Variants in BACH2 observed in about 807,000 individuals in gnomAD.
BACH2 encodes BACH transcriptional regulator 2.
In BACH2, 5 loss-of-function variants were observed where a neutral mutation model predicts 61.8. The ratio of observed to expected loss-of-function variants is 0.08; its 90% confidence interval spans 0.04 to 0.17. The LOEUF is 0.17. Ranked by LOEUF, BACH2 falls within the 10% of genes least tolerant of loss-of-function variation. The pLI is 1.00. For missense variants in BACH2, 824 were observed against 1,091.1 expected, an observed-to-expected ratio of 0.76 and a Z score of 3.45; for synonymous variants, 446 against 440.1, an observed-to-expected ratio of 1.01 and a Z score of -0.17.
chr6:90,211,569 A>G (rs1287475607), intron 3 of BACH2, among the ~76,000 whole-genome samples: 1 of 149,060 alleles, frequency 6.7e-6, no homozygotes, highest in East Asian at 2.0e-4. Flanking sequence ...TTTAAAGAGA[A>G]GCTTAAAAGT....
intron 4 of BACH2, among the ~76,000 whole-genome samples, chr6:90,176,176 T>C (rs894307794): frequency 2.0e-5 from 3 of 152,194 alleles, no homozygotes; most frequent in Non-Finnish European, 4.4e-5. Flanking sequence ...CATTTCCCCT[T>C]CAGTGGCTGT....
chr6:90,092,678 C>T (rs1175697473), intron 4 of BACH2, among the ~76,000 whole-genome samples: 1 of 151,936 alleles, frequency 6.6e-6, no homozygotes, highest in African/African-American at 2.4e-5. Flanking sequence ...ATATTAATCG[C>T]CATTTCATAG....
intron 2 of BACH2, among the ~76,000 whole-genome samples, chr6:90,271,132 T>C (rs772627644): frequency 3.3e-5 from 5 of 151,772 alleles, no homozygotes; most frequent in Non-Finnish European, 7.4e-5. Context: ...TCTAGAACAC[T>C]GGAAAAACTC....
intron 5 of BACH2, among the ~76,000 whole-genome samples, chr6:90,075,628 T>C (rs1004441986): frequency 6.6e-6 from 1 of 152,146 alleles, no homozygotes; most frequent in Non-Finnish European, 1.5e-5. Context: ...AAGATATTAT[T>C]ATCGTAACTG....
At chr6:90,024,274 G>GA (rs1415947831) in intron 5 of BACH2, among the ~76,000 whole-genome samples, 70 of 151,720 alleles carry the variant, frequency 4.6e-4, no homozygotes, top group Admixed American at 2.6e-3. Context: ...GGCTTCAAAT[G>GA]AAAAAAAACA....
chr6:90,127,325 T>G (rs550683034), intron 4 of BACH2, among the ~76,000 whole-genome samples: 1 of 152,238 alleles, frequency 6.6e-6, no homozygotes, highest in Admixed American at 6.5e-5. Context: ...ACCCCCTTTT[T>G]GAGGTGAAGC....
chr6:90,255,859 C>A (rs1048464521), intron 2 of BACH2, among the ~76,000 whole-genome samples: 1 of 152,178 alleles, frequency 6.6e-6, no homozygotes, highest in African/African-American at 2.4e-5. Context: ...AACGAAGGGG[C>A]CAGTCCTGTT....
chr6:90,232,249 C>A (rs1770123456), intron 3 of BACH2, among the ~76,000 whole-genome samples: 1 of 152,118 alleles, frequency 6.6e-6, no homozygotes, highest in African/African-American at 2.4e-5. Flanking sequence ...GGTGTTTCTC[C>A]CTTACCTGCC....
intron 3 of BACH2, among the ~76,000 whole-genome samples, chr6:90,219,036 CAGT>C (rs1410852735): frequency 2.0e-5 from 3 of 151,394 alleles, no homozygotes; most frequent in Non-Finnish European, 4.4e-5. Context: ...TCTCAGAAAA[CAGT>C]AGACTTCAGT....
At chr6:90,052,457 T>C (rs1322859630) in intron 5 of BACH2, among the ~76,000 whole-genome samples, 1 of 152,208 alleles carries the variant, frequency 6.6e-6, no homozygotes, top group African/African-American at 2.4e-5. Context: ...TCTTTCTCTG[T>C]TACCCAGGCT....
At chr6:90,088,318 T>C (rs529990932) in intron 5 of BACH2, among the ~76,000 whole-genome samples, 3 of 152,292 alleles carry the variant, frequency 2.0e-5, no homozygotes, top group Non-Finnish European at 2.9e-5. Context: ...AAAAGGACTG[T>C]AGCTGTTGTT....
At chr6:90,078,815 C>T (rs981385909) in intron 5 of BACH2, among the ~76,000 whole-genome samples, 3 of 152,080 alleles carry the variant, frequency 2.0e-5, no homozygotes, top group Admixed American at 6.5e-5. Flanking sequence ...AGATTTGATC[C>T]GGAGTCTTTT....
chr6:90,275,446 T>A (rs1771659873), intron 1 of BACH2, among the ~76,000 whole-genome samples: 1 of 152,132 alleles, frequency 6.6e-6, no homozygotes, highest in Non-Finnish European at 1.5e-5. Context: ...AAATTTGTTT[T>A]TACTTTTAAA....
intron 5 of BACH2, among the ~76,000 whole-genome samples, chr6:90,020,710 C>T (rs1310680154): frequency 6.6e-6 from 1 of 152,128 alleles, no homozygotes; most frequent in Admixed American, 6.5e-5. Flanking sequence ...CAATGCCAAA[C>T]TGAATTCTGC....
intron 4 of BACH2, among the ~76,000 whole-genome samples, chr6:90,111,251 CA>C (rs1783158003): frequency 1.3e-5 from 2 of 152,208 alleles, no homozygotes; most frequent in African/African-American, 4.8e-5. Context: ...ATCTTCTGTC[CA>C]GGCCACCACC....
intron 2 of BACH2, among the ~76,000 whole-genome samples, chr6:90,270,966 TA>T (rs1771499778): frequency 6.6e-6 from 1 of 152,006 alleles, no homozygotes; most frequent in Admixed American, 6.6e-5. Context: ...AACAAAAACA[TA>T]AAGTGAGGAA....
At chr6:89,937,166 T>C (rs1773076072) in intron 8 of BACH2, among the ~76,000 whole-genome samples, 1 of 152,110 alleles carries the variant, frequency 6.6e-6, no homozygotes. Context: ...GGGATGGCGA[T>C]GACAGCCACC....
chr6:90,275,423 C>G (rs993385065), intron 1 of BACH2, among the ~76,000 whole-genome samples: 25 of 151,074 alleles, frequency 1.7e-4, no homozygotes, highest in African/African-American at 6.0e-4. Context: ...GGAATAAGCT[C>G]AAATCCTAAC....
At position 90,008,597 on chromosome 6, in the gene BACH2, T is replaced by C. The variant is rs757883472; in HGVS notation, c.243+5A>G. On this transcript the variant is annotated splice_donor_5th_base_variant and intron_variant, in intron 6 of 8. Coordinates refer to ENST00000257749, the MANE Select transcript of BACH2 (RefSeq NM_021813.4). The surrounding 1 kb of genome is among the most constrained non-coding windows in gnomAD (Gnocchi z 4.1). ...TTAACAATCACACAAACCAAATTAC[T>C]GTACCTCCTCAGGCAAGCTGACCAC... 15 of 1,613,898 alleles carry C rather than the reference T, an allele frequency of 9.3e-6. No individual in the cohort carries two copies. Among genetic ancestry groups the C allele is most frequent in the South Asian group, 2.2e-5 (2 of 91,076 alleles).
Sources: gnomAD v4.1 joint callset for allele counts (sites outside exome capture counted in the v4.1 genomes callset) on GRCh38, gnomAD v4.1.1 for gene constraint, Gnocchi (gnomAD v3.1) non-coding constraint, MANE v1.5 for transcripts, NCBI Gene and HGNC (gene_info 2026-07-23, HGNC 2026-07-21) for gene names.